PPIL6: variants seen among roughly 807,000 people sequenced by gnomAD.
PPIL6 encodes probable inactive peptidyl-prolyl cis-trans isomerase-like 6.
PPIL6 carries 39 observed loss-of-function variants against 36.8 expected under a neutral mutation model. That is an observed-to-expected ratio of 1.06 (90% CI 0.82 to 1.38). PPIL6 has a LOEUF of 1.38. Ranked by LOEUF, PPIL6 falls within the 40% of genes most tolerant of loss-of-function variation. The pLI is 0.00. For missense variants in PPIL6, 368 were observed against 379.1 expected (o/e 0.97, Z 0.24); for synonymous variants, 123 against 134.1 (o/e 0.92, Z 0.57).
At chr6:109,441,052 C>T, upstream of PPIL6, 1 of 1,523,392 alleles carries the variant, frequency 6.6e-7, no homozygotes, top group South Asian at 1.1e-5. Flanking sequence ...GCGCCGCCGG[C>T]CGCCCCCGTC....
chr6:109,440,893 G>T, upstream of PPIL6: 1 of 553,784 alleles, frequency 1.8e-6, no homozygotes, highest in East Asian at 3.3e-5. Flanking sequence ...TTTCGGCAGC[G>T]GATCGCCTTT....
At chr6:109,408,091 G>C (rs1015817922) in intron 6 of PPIL6, among the ~76,000 whole-genome samples, 15 of 152,172 alleles carry the variant, frequency 9.9e-5, no homozygotes, top group African/African-American at 3.6e-4. Context: ...TCTGCAGAAA[G>C]GGCTCATGGC....
At chr6:109,403,666 G>A (rs567190564) in intron 6 of PPIL6, among the ~76,000 whole-genome samples, 1 of 152,228 alleles carries the variant, frequency 6.6e-6, no homozygotes, top group South Asian at 2.1e-4. Context: ...GACTTTAAAA[G>A]TTGTGATTCA....
In PPIL6 at chr6:109,413,265, G is replaced by GA. The variant is rs1389793617; in HGVS notation, c.688+5921dup. 1.3e-5 allele frequency among the ~76,000 whole-genome samples: 2 copies of GA among 152,014 alleles called. No individual in the cohort carries two copies. Among genetic ancestry groups the GA allele is most frequent in the Non-Finnish European group, 2.9e-5 (2 of 67,996 alleles). On this transcript the variant is annotated intron_variant, in intron 6 of 7. Transcript: ENST00000521072. The surrounding 1 kb of genome is among the most constrained non-coding windows in gnomAD (Gnocchi z 4.6). ...ATAAGGAGCTCAAACAACTCTACAGGAAAAAACCTAATAATCAGATTATAA... is the reference window on the plus strand; with the variant it reads ...ATAAGGAGCTCAAACAACTCTACAGGAAAAAAACCTAATAATCAGATTATAA...
intron 7 of PPIL6, among the ~76,000 whole-genome samples, chr6:109,398,618 T>C (rs1360429300): frequency 1.3e-5 from 2 of 152,250 alleles, no homozygotes; most frequent in Non-Finnish European, 2.9e-5. Context: ...TAGGTCCACA[T>C]GGCTTTAAGC....
upstream of PPIL6, chr6:109,440,880 G>T (rs1041836725): frequency 1.8e-6 from 1 of 542,182 alleles, no homozygotes; most frequent in Non-Finnish European, 3.2e-6. Context: ...CTGGGCGCCC[G>T]GATTTCGGCA....
rs970075514 is a variant in PPIL6 at position 109,413,349 on chromosome 6, G to T, written c.688+5838C>A. On this transcript the variant is annotated intron_variant, in intron 6 of 7. Coordinates refer to ENST00000521072, the MANE Select transcript of PPIL6 (RefSeq NM_173672.5). This position sits in a 1 kb window ranked among gnomAD's most constrained non-coding sequence, Gnocchi z 4.6. ...AAGAAGACATACAAATGGCAAACAG[G>T]CATATGAAAAGGTGCTCAACACCAC... 6.6e-6 allele frequency among the ~76,000 whole-genome samples: 1 copy of T among 152,082 alleles called. No homozygotes were observed. The highest frequency in any genetic ancestry group is 2.4e-5 in the African/African-American group (1 of 41,426).
chr6:109,427,174 A>T lies in PPIL6; in HGVS notation c.421-18T>A. The T allele has an allele frequency of 1.3e-6, 2 of 1,588,710 alleles. No individual in the cohort carries two copies. Among genetic ancestry groups the T allele is most frequent in the Non-Finnish European group, 1.7e-6 (2 of 1,158,332 alleles). ...AAATCATGCTGTGAAGATTAAGGAG[A>T]ATCATATAATGCAGGTCAAAGTCTT... On this transcript the variant is annotated intron_variant, in intron 3 of 7. Coordinates refer to ENST00000521072, the MANE Select transcript of PPIL6 (RefSeq NM_173672.5).
At chr6:109,430,944 G>A (rs1362007390) in intron 3 of PPIL6, among the ~76,000 whole-genome samples, 2 of 152,188 alleles carry the variant, frequency 1.3e-5, no homozygotes, top group Admixed American at 1.3e-4. Flanking sequence ...TCTGCACAGA[G>A]ATGATCTCCC....
At chr6:109,393,011 G>T (rs899651947) in intron 7 of PPIL6, 74 bp from the exon 8 acceptor site, 9 of 791,734 alleles carry the variant, frequency 1.1e-5, no homozygotes, top group Non-Finnish European at 1.7e-5. Flanking sequence ...CCGAAATGGG[G>T]TCCTACCCAG....
chr6:109,428,495 G>A (rs972103015), intron 3 of PPIL6, among the ~76,000 whole-genome samples: 7 of 148,820 alleles, frequency 4.7e-5, no homozygotes, highest in Non-Finnish European at 1.0e-4. Flanking sequence ...TGAGGCTGCA[G>A]TGAACTATGA....
Position 109,390,684 on chromosome 6 carries a change from A to G in PPIL6, c.*2142T>C, listed in dbSNP as rs770781377. The G allele has an allele frequency of 2.6e-5, 4 of 152,108 alleles. No individual in the cohort carries two copies. Among genetic ancestry groups the G allele is most frequent in the Admixed American group, 6.6e-5 (1 of 15,264 alleles). The allele number at this position is 152,108 out of a possible 1,614,324, so 9.4% of individuals were successfully genotyped here. ...GCTGGAAAGGTTCTATATTTTCTCTATAGTGTTGGTTACATGAATATACTC... is the reference window on the plus strand; with the variant it reads ...GCTGGAAAGGTTCTATATTTTCTCTGTAGTGTTGGTTACATGAATATACTC... On this transcript the variant is annotated 3_prime_UTR_variant, in exon 8 of 8. Coordinates refer to ENST00000521072, the MANE Select transcript of PPIL6 (RefSeq NM_173672.5).
chr6:109,419,365 G>A (rs928454039), intron 5 of PPIL6, 122 bp from the exon 6 acceptor site: 1 of 642,254 alleles, frequency 1.6e-6, no homozygotes, highest in Non-Finnish European at 2.8e-6. Context: ...ATGATCACTG[G>A]AGCCCAGGAG....
In PPIL6 at chr6:109,426,913, T is replaced by C; in HGVS notation, c.565A>G (p.Ile189Val). 1 of 1,608,604 alleles carries C rather than the reference T, an allele frequency of 6.2e-7. No homozygotes were observed. ...TGKAGFSQRG[I>V]RLHYKNSIFH... ...ATGGAATTTTTGTAATGTAGTCTTATGCCACGTTGAGAAAACCCTGCTTTT... is the reference window on the plus strand; with the variant it reads ...ATGGAATTTTTGTAATGTAGTCTTACGCCACGTTGAGAAAACCCTGCTTTT... Residue 189 changes from isoleucine (I) to valine (V), a missense_variant, in exon 5 of 8, where the codon ATA becomes GTA. Transcript: ENST00000521072.
chr6:109,433,435 G>A (rs4946974), intron 2 of PPIL6, among the ~76,000 whole-genome samples: 1 of 152,254 alleles, frequency 6.6e-6, no homozygotes, highest in Non-Finnish European at 1.5e-5. Context: ...AAATGCAGTA[G>A]AAGGTATGTT....
At chr6:109,430,533 TCTC>T (rs1774081590) in intron 3 of PPIL6, among the ~76,000 whole-genome samples, 1 of 152,080 alleles carries the variant, frequency 6.6e-6, no homozygotes, top group South Asian at 2.1e-4. Flanking sequence ...TTTAAGTGAT[TCTC>T]CTGCTTCAGC....
chr6:109,401,958 C>G (rs1422502319), intron 6 of PPIL6, among the ~76,000 whole-genome samples: 1 of 151,926 alleles, frequency 6.6e-6, no homozygotes, highest in Non-Finnish European at 1.5e-5. Context: ...CTCGTGACCT[C>G]GTGATCTACC....
chr6:109,433,266 A>G (rs1003930766), intron 2 of PPIL6, among the ~76,000 whole-genome samples: 10 of 152,068 alleles, frequency 6.6e-5, no homozygotes, highest in Non-Finnish European at 8.8e-5. Context: ...CATGTTGGCC[A>G]GGCTGGTCTC....
rs184558573 is a variant in PPIL6 at position 109,396,843 on chromosome 6, G to A, written c.824+3192C>T. Among the ~76,000 whole-genome samples the A allele has an allele frequency of 1.1e-4, 16 of 151,998 alleles. No individual in the cohort carries two copies. In the East Asian group the frequency reaches 2.7e-3, roughly 26 times the overall value. ...CCCAGTGTCATCCATCTGAGAGAGC[G>A]GCAGGTTCATGTACCTGGAAACTGG... On this transcript the variant is annotated intron_variant, in intron 7 of 7. Coordinates refer to ENST00000521072, the MANE Select transcript of PPIL6 (RefSeq NM_173672.5).
Sources: gnomAD v4.1 joint callset for allele counts (sites outside exome capture counted in the v4.1 genomes callset) on GRCh38, gnomAD v4.1.1 for gene constraint, Gnocchi (gnomAD v3.1) non-coding constraint, MANE v1.5 for transcripts, NCBI Gene and HGNC (gene_info 2026-07-23, HGNC 2026-07-21) for gene names.